CAMKMT: variants seen among roughly 807,000 people sequenced by gnomAD.
CAMKMT encodes calmodulin-lysine N-methyltransferase, also known as CaM KMT.
CAMKMT carries 53 observed loss-of-function variants against 48.0 expected under a neutral mutation model. The ratio of observed to expected loss-of-function variants is 1.10; its 90% confidence interval spans 0.89 to 1.39. CAMKMT has a LOEUF of 1.39. Ranked by LOEUF, CAMKMT falls within the 40% of genes most tolerant of loss-of-function variation. The pLI, the probability that CAMKMT is intolerant of heterozygous loss-of-function variation, is 0.00. For synonymous variants in CAMKMT, 165 were observed against 152.3 expected, an observed-to-expected ratio of 1.08 and a Z score of -0.61; for missense variants, 428 against 402.7, an observed-to-expected ratio of 1.06 and a Z score of -0.54.
chr2:44,514,504 C>A (rs1410865703), intron 3 of CAMKMT, among the ~76,000 whole-genome samples: 1 of 152,162 alleles, frequency 6.6e-6, no homozygotes, highest in Non-Finnish European at 1.5e-5. Context: ...TTTATGGTGG[C>A]TAGTTTGTAC....
At position 44,499,736 on chromosome 2, in the gene CAMKMT, G is replaced by C. The variant is rs139953094; in HGVS notation, c.376+109431G>C. Among the ~76,000 whole-genome samples, 181 of 152,286 alleles carry C rather than the reference G, an allele frequency of 1.2e-3. 1 individual carries two copies. The highest frequency in any genetic ancestry group is 4.0e-3 in the African/African-American group (168 of 41,574). On this transcript the variant is annotated intron_variant, in intron 3 of 10. Transcript: ENST00000378494. ...GAACATGAGGTTCTGAAGTGTGACT[G>C]TTTATGATTTCTGTGTTGTAGAACC...
At chr2:44,534,649 A>C (rs1666667573) in intron 3 of CAMKMT, among the ~76,000 whole-genome samples, 1 of 152,198 alleles carries the variant, frequency 6.6e-6, no homozygotes, top group South Asian at 2.1e-4. Context: ...CTAAATGAAG[A>C]AATTAACATG....
intron 3 of CAMKMT, among the ~76,000 whole-genome samples, chr2:44,580,532 T>C (rs1336228327): frequency 1.3e-5 from 2 of 152,218 alleles, no homozygotes; most frequent in African/African-American, 4.8e-5. Context: ...TTGTAAGATG[T>C]GAAAATAGTG....
intron 3 of CAMKMT, among the ~76,000 whole-genome samples, chr2:44,420,640 C>T (rs1336811908): frequency 6.6e-6 from 1 of 151,826 alleles, no homozygotes; most frequent in Non-Finnish European, 1.5e-5. Flanking sequence ...AACCTGGGAG[C>T]AGTGAGGCAC....
At chr2:44,570,837 G>A (rs1000191564) in intron 3 of CAMKMT, among the ~76,000 whole-genome samples, 4 of 152,194 alleles carry the variant, frequency 2.6e-5, no homozygotes, top group African/African-American at 7.2e-5. Flanking sequence ...TGGGGACCAT[G>A]TTTTAAGAAG....
chr2:44,499,942 G>A (rs1161990195), intron 3 of CAMKMT, among the ~76,000 whole-genome samples: 2 of 148,486 alleles, frequency 1.3e-5, no homozygotes, highest in Non-Finnish European at 3.0e-5. Flanking sequence ...AAAGCTTTGT[G>A]TACTATGTAT....
At chr2:44,444,365 A>G (rs1666855277) in intron 3 of CAMKMT, among the ~76,000 whole-genome samples, 1 of 152,154 alleles carries the variant, frequency 6.6e-6, no homozygotes, top group African/African-American at 2.4e-5. Flanking sequence ...TGATTCTGTT[A>G]TTATATGTAT....
chr2:44,525,925 G>A (rs1014300812), intron 3 of CAMKMT, among the ~76,000 whole-genome samples: 2 of 151,828 alleles, frequency 1.3e-5, no homozygotes, highest in African/African-American at 2.4e-5. Flanking sequence ...AGTTACATAT[G>A]TATACATGTG....
At chr2:44,372,157 A>C (rs1679240797) in intron 1 of CAMKMT, among the ~76,000 whole-genome samples, 1 of 152,200 alleles carries the variant, frequency 6.6e-6, no homozygotes, top group South Asian at 2.1e-4. Context: ...TGCAAAAGTC[A>C]GAGTAACCTT....
At chr2:44,382,510 G>A (rs1190464781) in intron 2 of CAMKMT, among the ~76,000 whole-genome samples, 19 of 145,754 alleles carry the variant, frequency 1.3e-4, no homozygotes, top group African/African-American at 3.6e-4. Flanking sequence ...ACAGAGTCTC[G>A]CTCTGTCACC....
At chr2:44,673,496 AGGAAGGAAGGAAGGAAGGAAGGAAGGAG>A (rs1410318184) in intron 3 of CAMKMT, among the ~76,000 whole-genome samples, 12 of 139,872 alleles carry the variant, frequency 8.6e-5, no homozygotes, top group African/African-American at 2.5e-4. Flanking sequence ...GAAGGAAGGA[AGGAAGGAAGGAAGGAAGGAAGGAAGGAG>A]GGAAGGAAGA....
chr2:44,535,142 C>T (rs1666698137), intron 3 of CAMKMT, among the ~76,000 whole-genome samples: 1 of 151,912 alleles, frequency 6.6e-6, no homozygotes, highest in South Asian at 2.1e-4. Flanking sequence ...AACTTTAAAA[C>T]CTTAAGGAAA....
chr2:44,374,504 A>T (rs1679486548), intron 2 of CAMKMT, among the ~76,000 whole-genome samples: 1 of 152,204 alleles, frequency 6.6e-6, no homozygotes, highest in Non-Finnish European at 1.5e-5. Flanking sequence ...GTGAAAAGAG[A>T]CAATAAGTAT....
At chr2:44,668,828 C>T (rs1675160337) in intron 3 of CAMKMT, among the ~76,000 whole-genome samples, 1 of 151,874 alleles carries the variant, frequency 6.6e-6, no homozygotes, top group African/African-American at 2.4e-5. Flanking sequence ...GATGCCCAGG[C>T]TGGAGTACAG....
intron 3 of CAMKMT, among the ~76,000 whole-genome samples, chr2:44,689,176 A>G (rs1676493987): frequency 6.6e-6 from 1 of 152,212 alleles, no homozygotes; most frequent in Non-Finnish European, 1.5e-5. Flanking sequence ...AGGGAACAAT[A>G]ACAATTATTC....
intron 3 of CAMKMT, among the ~76,000 whole-genome samples, chr2:44,511,333 G>A (rs1029854396): frequency 1.1e-4 from 16 of 152,218 alleles, no homozygotes; most frequent in African/African-American, 3.6e-4. Context: ...CTGTCACGCA[G>A]GCTGGCGTAC....
intron 1 of CAMKMT, among the ~76,000 whole-genome samples, chr2:44,371,423 G>C (rs906577728): frequency 5.3e-5 from 8 of 152,106 alleles, no homozygotes; most frequent in African/African-American, 1.7e-4. Flanking sequence ...CTGGCCTATA[G>C]TTTTTATTAT....
chr2:44,393,880 A>G (rs1681582962), intron 3 of CAMKMT, among the ~76,000 whole-genome samples: 1 of 152,192 alleles, frequency 6.6e-6, no homozygotes. Flanking sequence ...CTCTTCCAAA[A>G]TCATTTTCCT....
At chr2:44,608,247 T>A (rs1671407594) in intron 3 of CAMKMT, among the ~76,000 whole-genome samples, 1 of 151,950 alleles carries the variant, frequency 6.6e-6, no homozygotes, top group Non-Finnish European at 1.5e-5. Flanking sequence ...TAATTTTTTG[T>A]ATTTTTAGTA....
Sources: allele counts gnomAD v4.1 joint callset (sites outside exome capture counted in the v4.1 genomes callset), GRCh38; gene constraint gnomAD v4.1.1; transcripts MANE v1.5; gene names NCBI Gene and HGNC (gene_info 2026-07-23, HGNC 2026-07-21).